The following PTPRN2 variants were observed in gnomAD, a reference collection of about 807,000 sequenced individuals.
The protein encoded by PTPRN2 is protein tyrosine phosphatase receptor type N2.
PTPRN2 carries 74 observed loss-of-function variants against 118.8 expected under a neutral mutation model. The ratio of observed to expected loss-of-function variants is 0.62; its 90% CI spans 0.52 to 0.76. The LOEUF (loss-of-function observed/expected upper bound fraction) is 0.76, where lower values mean the gene tolerates loss of function less well. Among genes scored for constraint, PTPRN2 ranks in the 30% least tolerant of loss-of-function variants. PTPRN2 has a pLI of 0.00. For missense variants in PTPRN2, 1,481 were observed against 1,394.4 expected (o/e 1.06, Z -0.99); for synonymous variants, 641 against 608.0 (o/e 1.05, Z -0.80).
intron 2 of PTPRN2, among the ~76,000 whole-genome samples, chr7:158,348,777 CCACT>C (rs971380757): frequency 1.3e-5 from 2 of 152,176 alleles, no homozygotes; most frequent in African/African-American, 4.8e-5. Flanking sequence ...ATGCTAATCC[CCACT>C]CACTCATTCC....
intron 2 of PTPRN2, among the ~76,000 whole-genome samples, chr7:158,453,840 C>T (rs1733175): frequency 0.42 from 61,466 of 146,374 alleles, 13,518 homozygotes; most frequent in Non-Finnish European, 0.44. Context: ...GACAAGTCTC[C>T]TCCTATGAAA....
At chr7:158,333,868 C>T (rs1211864041) in intron 2 of PTPRN2, among the ~76,000 whole-genome samples, 7 of 134,898 alleles carry the variant, frequency 5.2e-5, no homozygotes, top group South Asian at 5.1e-4. Context: ...AGACGTCACT[C>T]ACACCCACAC....
intron 12 of PTPRN2, among the ~76,000 whole-genome samples, chr7:157,732,925 C>T (rs368369993): frequency 2.4e-4 from 2 of 8,236 alleles, no homozygotes; most frequent in African/African-American, 1.4e-3. Context: ...GTTACCCTTT[C>T]CCGTCCCATG....
intron 3 of PTPRN2, among the ~76,000 whole-genome samples, chr7:158,229,815 G>T (rs1829049716): frequency 1.3e-5 from 2 of 152,020 alleles, no homozygotes; most frequent in African/African-American, 4.8e-5. Flanking sequence ...ACAAGGGGTA[G>T]AAAGCTTACT....
In PTPRN2 at chr7:158,064,741, A is replaced by T. The variant is rs1383248751; in HGVS notation, c.1723+16557T>A. ...GGGGGACATTTTCTACTTGCAGGGG[A>T]GGGAAGAGAAAGGGTCACCCTCCCC... On this transcript the variant is annotated intron_variant, in intron 11 of 22. Transcript: ENST00000389418. 5.9e-5 allele frequency among the ~76,000 whole-genome samples: 9 copies of T among 151,670 alleles called. 1 individual carries two copies.
chr7:157,678,685 G>A (rs1031819069), intron 13 of PTPRN2, among the ~76,000 whole-genome samples: 4 of 152,084 alleles, frequency 2.6e-5, no homozygotes, highest in Non-Finnish European at 5.9e-5. Context: ...CCCGTGGCCC[G>A]GATGCATGCT....
rs1798460482 is a variant in PTPRN2, at chr7:157,548,933, A to G, written c.2976+13T>C. 1 of 1,613,020 alleles carries G rather than the reference A, an allele frequency of 6.2e-7. No homozygotes were observed. Among genetic ancestry groups the G allele is most frequent in the East Asian group, 2.2e-5 (1 of 44,880 alleles). ...TGAATGGGTCTGCGTCCCGGAGGAG[A>G]GACTGACAGTACCTTCGTCTGGACC... On this transcript the variant is annotated intron_variant, in intron 22 of 22. Coordinates refer to ENST00000389418, the MANE Select transcript of PTPRN2 (RefSeq NM_002847.5).
At chr7:157,599,539 A>G (rs1339489449) in intron 16 of PTPRN2, among the ~76,000 whole-genome samples, 1 of 152,192 alleles carries the variant, frequency 6.6e-6, no homozygotes, top group Non-Finnish European at 1.5e-5. Flanking sequence ...AAACTTAGCC[A>G]CAATTTCCCC....
At chr7:157,810,817 C>T (rs915543772) in intron 12 of PTPRN2, among the ~76,000 whole-genome samples, 19 of 150,714 alleles carry the variant, frequency 1.3e-4, no homozygotes, top group African/African-American at 2.7e-4. Context: ...AGGCTTTCCA[C>T]GGGGACGGCG....
At chr7:158,021,336 G>A (rs1422947550) in intron 11 of PTPRN2, among the ~76,000 whole-genome samples, 2 of 152,182 alleles carry the variant, frequency 1.3e-5, no homozygotes, top group Non-Finnish European at 2.9e-5. Context: ...GCAGGTAAGA[G>A]GGAGGAAACA....
At chr7:158,211,914 C>T (rs1190933709) in intron 3 of PTPRN2, among the ~76,000 whole-genome samples, 1 of 152,134 alleles carries the variant, frequency 6.6e-6, no homozygotes, top group Non-Finnish European at 1.5e-5. Flanking sequence ...ATCCACACTC[C>T]CATGTTTATT....
In PTPRN2 at chr7:157,609,879, T is replaced by G. The variant is rs767285565; in HGVS notation, c.2345-5804A>C. The stretch of plus-strand genomic sequence containing the variant: ...CAACAGAAGAGACACATCCCACAAT[T>G]TCTTGTTGATTATTACTATGGCAAA... On this transcript the variant is annotated intron_variant, in intron 15 of 22. Coordinates refer to ENST00000389418, the MANE Select transcript of PTPRN2 (RefSeq NM_002847.5). The surrounding 1 kb of genome is among the most constrained non-coding windows in gnomAD (Gnocchi z 4.9). 6.6e-6 allele frequency among the ~76,000 whole-genome samples: 1 copy of G among 152,148 alleles called. No homozygotes were observed. The highest frequency in any genetic ancestry group is 1.5e-5 in the Non-Finnish European group (1 of 68,018).
intron 2 of PTPRN2, among the ~76,000 whole-genome samples, chr7:158,367,588 C>T (rs573773279): frequency 3.0e-4 from 45 of 152,300 alleles, no homozygotes; most frequent in African/African-American, 8.7e-4. Context: ...GTTAGCTCTC[C>T]GCGGGCGAAG....
At chr7:158,390,457 G>A (rs1330994421) in intron 2 of PTPRN2, among the ~76,000 whole-genome samples, 2 of 152,244 alleles carry the variant, frequency 1.3e-5, no homozygotes. Context: ...CGGAGTCTCT[G>A]AGCTGGAGGC....
chr7:158,556,279 C>T (rs766168400), intron 1 of PTPRN2, among the ~76,000 whole-genome samples: 30 of 152,150 alleles, frequency 2.0e-4, no homozygotes, highest in Non-Finnish European at 2.6e-4. Flanking sequence ...ATGGGCTGGG[C>T]ATGGTGGCTT....
chr7:158,327,308 CAT>C (rs1226796483), intron 2 of PTPRN2, among the ~76,000 whole-genome samples: 25 of 142,960 alleles, frequency 1.7e-4, no homozygotes, highest in South Asian at 9.2e-4. Context: ...CATTCTCACA[CAT>C]ACACATTCTC....
At chr7:157,573,899 A>G (rs1799882532) in intron 19 of PTPRN2, among the ~76,000 whole-genome samples, 2 of 152,148 alleles carry the variant, frequency 1.3e-5, no homozygotes, top group Non-Finnish European at 1.5e-5. Context: ...ACAAAAACCC[A>G]CGGGCAGTCA....
At chr7:158,527,121 G>A (rs758106148) in intron 1 of PTPRN2, among the ~76,000 whole-genome samples, 20 of 152,194 alleles carry the variant, frequency 1.3e-4, no homozygotes, top group Middle Eastern at 3.4e-3. Flanking sequence ...GCATCCCTCC[G>A]AGGAGCATCC....
intron 6 of PTPRN2, among the ~76,000 whole-genome samples, chr7:158,156,034 C>T (rs890556657): frequency 2.6e-5 from 4 of 151,266 alleles, no homozygotes; most frequent in African/African-American, 7.4e-5. Flanking sequence ...CTGGAAACAA[C>T]ACAAGTGTAG....
Sources: allele counts gnomAD v4.1 joint callset (sites outside exome capture counted in the v4.1 genomes callset), GRCh38; gene constraint gnomAD v4.1.1; non-coding constraint Gnocchi (gnomAD v3.1); transcripts MANE v1.5; gene names NCBI Gene and HGNC (gene_info 2026-07-23, HGNC 2026-07-21).